Variants in NCAM2 observed in about 807,000 individuals in gnomAD.
NCAM2 encodes the protein neural cell adhesion molecule 2, also known as N-CAM-2.
NCAM2 carries 30 observed loss-of-function variants against 98.1 expected under a neutral mutation model. The observed-to-expected ratio is 0.31, with a 90% CI of 0.23 to 0.41. NCAM2 has a LOEUF of 0.41. Ranked by LOEUF, NCAM2 falls within the 10% of genes least tolerant of loss-of-function variation. The pLI is 1.00. For synonymous variants in NCAM2, 368 were observed against 342.4 expected, an observed-to-expected ratio of 1.07 and a Z score of -0.83; for missense variants, 867 against 1,005.8, an observed-to-expected ratio of 0.86 and a Z score of 1.87.
chr21:21,300,403 C>T (rs2073670618), intron 5 of NCAM2, among the ~76,000 whole-genome samples: 1 of 152,054 alleles, frequency 6.6e-6, no homozygotes, highest in South Asian at 2.1e-4. Flanking sequence ...CAGAAAATGA[C>T]TTTGGAGGTT....
chr21:21,256,731 G>A (rs1204012521), intron 1 of NCAM2, among the ~76,000 whole-genome samples: 4 of 152,112 alleles, frequency 2.6e-5, no homozygotes, highest in Non-Finnish European at 5.9e-5. Context: ...TAGTTTGTAA[G>A]TATAAACATT....
intron 1 of NCAM2, among the ~76,000 whole-genome samples, chr21:21,138,785 T>C (rs2067111735): frequency 6.6e-6 from 1 of 152,320 alleles, no homozygotes; most frequent in Non-Finnish European, 1.5e-5. Context: ...AATAGATATA[T>C]ATATTTTTTG....
At chr21:21,115,973 GT>G (rs1260129226) in intron 1 of NCAM2, among the ~76,000 whole-genome samples, 1 of 138,052 alleles carries the variant, frequency 7.2e-6, no homozygotes, top group Non-Finnish European at 1.5e-5. Flanking sequence ...GTGTGTGTGT[GT>G]GTGTGTGTGT....
At chr21:21,446,853 A>G (rs986812076) in intron 12 of NCAM2, among the ~76,000 whole-genome samples, 5 of 152,158 alleles carry the variant, frequency 3.3e-5, no homozygotes, top group African/African-American at 1.2e-4. Flanking sequence ...AGGGAATGTG[A>G]AGTACCTCTT....
chr21:21,530,234 TTAATTTAAATTAATTATATA>T (rs1261226746), intron 16 of NCAM2, among the ~76,000 whole-genome samples: 9 of 71,744 alleles, frequency 1.3e-4, no homozygotes, highest in South Asian at 2.8e-4. Flanking sequence ...TTATATATAT[TTAATTTAAATTAATTATATA>T]TAATTTAATT....
At chr21:21,105,097 G>A (rs906641332) in intron 1 of NCAM2, among the ~76,000 whole-genome samples, 1 of 151,820 alleles carries the variant, frequency 6.6e-6, no homozygotes, top group African/African-American at 2.4e-5. Context: ...CCAGATTTCT[G>A]ACCCTCAAAA....
intron 1 of NCAM2, among the ~76,000 whole-genome samples, chr21:21,085,201 G>GTT (rs11380838): frequency 0.055 from 8,200 of 147,950 alleles, 256 homozygotes; most frequent in East Asian, 0.15. Flanking sequence ...TCTAGTTGGG[G>GTT]TTTTTTTTTT....
At chr21:21,278,503 A>C (rs556026068) in intron 1 of NCAM2, among the ~76,000 whole-genome samples, 1 of 152,264 alleles carries the variant, frequency 6.6e-6, no homozygotes, top group Admixed American at 6.5e-5. Flanking sequence ...GAGTACCTAA[A>C]ATCTATTTTT....
At chr21:21,345,108 A>G (rs1402012881) in intron 8 of NCAM2, among the ~76,000 whole-genome samples, 1 of 152,134 alleles carries the variant, frequency 6.6e-6, no homozygotes, top group Non-Finnish European at 1.5e-5. Flanking sequence ...CTTAGATCAC[A>G]ATACCCAAGG....
chr21:21,482,450 T>G (rs1433507109), intron 15 of NCAM2, among the ~76,000 whole-genome samples: 2 of 152,038 alleles, frequency 1.3e-5, no homozygotes, highest in African/African-American at 2.4e-5. Flanking sequence ...AGATATAGAG[T>G]TTAAAGGTTA....
rs58330278 is a variant in NCAM2 at position 21,254,949 on chromosome 21, ATGTGTGTGTG to A, written c.56-25607_56-25598del. On this transcript the variant is annotated intron_variant, in intron 1 of 17. Transcript: ENST00000400546. ...GTATGTGTACCCACATAGCATATCTATGTGTGTGTGTGTGTGTGTGTGTGTGTGTGTATAA... is the reference window on the plus strand; with the variant it reads ...GTATGTGTACCCACATAGCATATCTATGTGTGTGTGTGTGTGTGTGTATAA... Among the ~76,000 whole-genome samples, 344 of 148,390 alleles carry A rather than the reference ATGTGTGTGTG, an allele frequency of 2.3e-3. 3 individuals carry two copies. Among genetic ancestry groups the A allele is most frequent in the African/African-American group, 8.0e-3 (321 of 40,170 alleles).
At chr21:21,392,115 T>C (rs2076394831) in intron 9 of NCAM2, among the ~76,000 whole-genome samples, 2 of 152,096 alleles carry the variant, frequency 1.3e-5, no homozygotes, top group Non-Finnish European at 2.9e-5. Context: ...CTCCACCCTT[T>C]GATAGTTCCC....
At chr21:21,245,147 A>G (rs564967478) in intron 1 of NCAM2, among the ~76,000 whole-genome samples, 1 of 152,110 alleles carries the variant, frequency 6.6e-6, no homozygotes, top group Non-Finnish European at 1.5e-5. Flanking sequence ...CATTTTATGC[A>G]CATGCATTCC....
At chr21:21,442,919 G>T (rs1403952516) in intron 12 of NCAM2, among the ~76,000 whole-genome samples, 1 of 152,082 alleles carries the variant, frequency 6.6e-6, no homozygotes, top group Admixed American at 6.6e-5. Flanking sequence ...CACAAGAAAT[G>T]ATCTTTCTCT....
At chr21:21,410,992 C>T (rs1363291065) in intron 10 of NCAM2, among the ~76,000 whole-genome samples, 2 of 108,000 alleles carry the variant, frequency 1.9e-5, no homozygotes, top group African/African-American at 3.4e-5. Context: ...GGTGACAGAG[C>T]GAGACTCCGT....
At chr21:21,475,073 T>G (rs1984993266) in intron 14 of NCAM2, among the ~76,000 whole-genome samples, 2 of 151,438 alleles carry the variant, frequency 1.3e-5, no homozygotes, top group South Asian at 4.2e-4. Flanking sequence ...TTTTAAAAAT[T>G]TATATGAAAC....
intron 9 of NCAM2, among the ~76,000 whole-genome samples, chr21:21,376,034 G>C (rs1181338975): frequency 6.6e-6 from 1 of 151,748 alleles, no homozygotes; most frequent in Non-Finnish European, 1.5e-5. Flanking sequence ...AGATATGCTA[G>C]TATTAGAATA....
chr21:21,521,076 C>T (rs1988989562), intron 16 of NCAM2, among the ~76,000 whole-genome samples: 1 of 152,114 alleles, frequency 6.6e-6, no homozygotes, highest in Non-Finnish European at 1.5e-5. Context: ...TAACCAGAGC[C>T]TAACATGGGG....
chr21:21,084,729 T>C (rs1393300462), intron 1 of NCAM2, among the ~76,000 whole-genome samples: 1 of 152,190 alleles, frequency 6.6e-6, no homozygotes, highest in Non-Finnish European at 1.5e-5. Flanking sequence ...GGGAATGTTA[T>C]TTTTTCCCCT....
Sources: allele counts gnomAD v4.1 joint callset (sites outside exome capture counted in the v4.1 genomes callset), GRCh38; gene constraint gnomAD v4.1.1; transcripts MANE v1.5; gene names NCBI Gene and HGNC (gene_info 2026-07-23, HGNC 2026-07-21).